Variants in GLI2 observed in about 807,000 individuals in gnomAD.
GLI2 encodes transcription activator GLI2.
Under a neutral mutation model 78.9 loss-of-function variants are expected in GLI2, and 22 were observed. That is an observed-to-expected ratio of 0.28 (90% CI 0.20 to 0.40). GLI2 has a LOEUF of 0.40. Among genes scored for constraint, GLI2 ranks in the 10% least tolerant of loss-of-function variants. GLI2 has a pLI of 1.00. For synonymous variants in GLI2, 974 were observed against 963.7 expected (o/e 1.01, Z -0.20); for missense variants, 2,097 against 2,213.2 (o/e 0.95, Z 1.05).
chr2:120,843,068 T>G (rs1686957741), intron 2 of GLI2, among the ~76,000 whole-genome samples: 1 of 152,222 alleles, frequency 6.6e-6, no homozygotes, highest in East Asian at 1.9e-4. Flanking sequence ...ACTTTGTTTT[T>G]GACGTAACCC....
Position 120,802,819 on chromosome 2 carries a change from T to C in GLI2, c.148+5351T>C, listed in dbSNP as rs139398191. On this transcript the variant is annotated intron_variant, in intron 2 of 13. Transcript: ENST00000361492. Reference sequence around the variant, plus strand: ...CAACGCCCACCTCTTCCACGAAGCATCCACTGTGTGCTGGGCCAGGTGTCC... The same window carrying C: ...CAACGCCCACCTCTTCCACGAAGCACCCACTGTGTGCTGGGCCAGGTGTCC... 4.8e-3 allele frequency among the ~76,000 whole-genome samples: 737 copies of C among 152,318 alleles called. 7 individuals are homozygous for C. The highest frequency in any genetic ancestry group is 0.017 in the African/African-American group (706 of 41,560).
At chr2:120,753,841 T>C (rs1445287927) in intron 1 of GLI2, among the ~76,000 whole-genome samples, 1 of 150,000 alleles carries the variant, frequency 6.7e-6, no homozygotes, top group Non-Finnish European at 1.5e-5. Context: ...GAGCTTGCAG[T>C]GATCTTGGCT....
At chr2:120,919,341 G>A (rs1004201944) in intron 2 of GLI2, among the ~76,000 whole-genome samples, 10 of 152,240 alleles carry the variant, frequency 6.6e-5, no homozygotes, top group African/African-American at 9.6e-5. Context: ...TCCCAGAGAC[G>A]TGCCAAGTAA....
At chr2:120,743,055 A>G (rs1682596648) in intron 1 of GLI2, among the ~76,000 whole-genome samples, 1 of 152,210 alleles carries the variant, frequency 6.6e-6, no homozygotes, top group Non-Finnish European at 1.5e-5. Flanking sequence ...TCTGCAGCTC[A>G]CCATACCAAG....
At position 120,923,977 on chromosome 2, in the gene GLI2, A is replaced by G. The variant is rs534065729; in HGVS notation, c.149-3384A>G. 5.9e-5 allele frequency among the ~76,000 whole-genome samples: 9 copies of G among 152,334 alleles called. 1 individual carries two copies. In the East Asian group the frequency reaches 1.3e-3, roughly 23 times the overall value. On this transcript the variant is annotated intron_variant, in intron 2 of 13. Coordinates refer to ENST00000361492, the MANE Select transcript of GLI2 (RefSeq NM_001374353.1). The stretch of plus-strand genomic sequence containing the variant: ...AAGCTCACAATGTTCCATAGACTTT[A>G]TAGACCTGGGTGAAGTTGCCTGAAT...
At chr2:120,946,920 C>T (rs1290108310) in intron 3 of GLI2, among the ~76,000 whole-genome samples, 1 of 152,242 alleles carries the variant, frequency 6.6e-6, no homozygotes, top group African/African-American at 2.4e-5. Flanking sequence ...GCCCATTCCT[C>T]TGGCTGTGTT....
chr2:120,838,513 T>A (rs995819813), intron 2 of GLI2, among the ~76,000 whole-genome samples: 2 of 152,228 alleles, frequency 1.3e-5, no homozygotes, highest in Admixed American at 6.5e-5. Context: ...CTGTGCTGTC[T>A]AGATTAGCAC....
chr2:120,954,755 G>T (rs191357406), intron 4 of GLI2, among the ~76,000 whole-genome samples: 516 of 152,344 alleles, frequency 3.4e-3, no homozygotes, highest in African/African-American at 0.012. Flanking sequence ...GCGCTGCAGG[G>T]ATAAGGATGT....
intron 2 of GLI2, among the ~76,000 whole-genome samples, chr2:120,916,239 A>G (rs577278960): frequency 1.3e-5 from 2 of 152,338 alleles, no homozygotes; most frequent in South Asian, 2.1e-4. Context: ...TGTGTATTAC[A>G]TCATGTGTTC....
chr2:120,853,917 G>A (rs1687523677), intron 2 of GLI2, among the ~76,000 whole-genome samples: 1 of 151,044 alleles, frequency 6.6e-6, no homozygotes, highest in Non-Finnish European at 1.5e-5. Flanking sequence ...CTATGAGATG[G>A]AGCAGCTTGG....
At chr2:120,875,780 G>A (rs1342663815) in intron 2 of GLI2, among the ~76,000 whole-genome samples, 1 of 151,892 alleles carries the variant, frequency 6.6e-6, no homozygotes, top group Non-Finnish European at 1.5e-5. Flanking sequence ...CAAAGAGCCA[G>A]GACTAAAAGA....
At chr2:120,922,271 G>A (rs1314524490) in intron 2 of GLI2, among the ~76,000 whole-genome samples, 1 of 152,184 alleles carries the variant, frequency 6.6e-6, no homozygotes, top group Non-Finnish European at 1.5e-5. Flanking sequence ...GAATAGATGG[G>A]GTCTTCTCTC....
chr2:120,755,140 C>T (rs1368158678), intron 1 of GLI2, among the ~76,000 whole-genome samples: 1 of 152,232 alleles, frequency 6.6e-6, no homozygotes, highest in East Asian at 1.9e-4. Context: ...CATGAGACAC[C>T]ACACACAGCC....
intron 3 of GLI2, among the ~76,000 whole-genome samples, chr2:120,933,507 C>A (rs988109180): frequency 2.6e-5 from 4 of 152,108 alleles, no homozygotes; most frequent in Non-Finnish European, 5.9e-5. Flanking sequence ...AAGAGAAGGC[C>A]GGCTGTGAAT....
chr2:120,797,371 T>C lies in GLI2; in HGVS notation c.51T>C (p.Ser17=). 1.9e-6 allele frequency: 3 copies of C among 1,613,690 alleles called. No individual in the cohort carries two copies. The highest frequency in any genetic ancestry group is 2.5e-6 in the Non-Finnish European group (3 of 1,179,906). Residue 17 remains serine (S), a synonymous_variant, in exon 2 of 14, where the codon AGT becomes AGC. Coordinates refer to ENST00000361492, the MANE Select transcript of GLI2 (RefSeq NM_001374353.1). ...ATASEKQEAK[S]GILEAAGFPD... is the part of the protein sequence containing the mutation. ...CCTCCGAGAAGCAAGAAGCCAAAAG[T>C]GGGATCCTGGAGGCCGCTGGCTTCC...
intron 2 of GLI2, among the ~76,000 whole-genome samples, chr2:120,832,110 C>T (rs940976496): frequency 5.3e-5 from 8 of 152,174 alleles, no homozygotes; most frequent in African/African-American, 1.7e-4. Context: ...AGTCCATGCC[C>T]ACCTGGCACA....
intron 2 of GLI2, among the ~76,000 whole-genome samples, chr2:120,886,161 TGTGTGTGTGTGTGTGTGTG>T (rs1244983152): frequency 8.5e-4 from 3 of 3,528 alleles, no homozygotes; most frequent in Non-Finnish European, 1.5e-3. Context: ...TTTTCCAAAG[TGTGTGTGTGTGTGTGTGTG>T]TGTGTGTGTG....
At chr2:120,936,737 G>C (rs562967223) in intron 3 of GLI2, among the ~76,000 whole-genome samples, 58 of 152,306 alleles carry the variant, frequency 3.8e-4, no homozygotes, top group African/African-American at 1.4e-3. Flanking sequence ...CTCTTAGACT[G>C]CACATGTTCA....
At chr2:120,930,264 G>A (rs1285725940) in intron 3 of GLI2, among the ~76,000 whole-genome samples, 1 of 152,226 alleles carries the variant, frequency 6.6e-6, no homozygotes, top group East Asian at 1.9e-4. Flanking sequence ...CTGACCTTGT[G>A]AACCGGCCCT....
Sources: gnomAD v4.1 joint callset for allele counts (sites outside exome capture counted in the v4.1 genomes callset) on GRCh38, gnomAD v4.1.1 for gene constraint, MANE v1.5 for transcripts, NCBI Gene and HGNC (gene_info 2026-07-23, HGNC 2026-07-21) for gene names.